Variants in FER1L6 observed in about 807,000 individuals in gnomAD.
FER1L6 encodes the protein fer-1-like protein 6.
Under a neutral mutation model 219.2 loss-of-function variants are expected in FER1L6, and 177 were observed. The observed-to-expected ratio is 0.81, with a 90% CI of 0.71 to 0.91. The LOEUF (loss-of-function observed/expected upper bound fraction) is 0.91, where lower values mean the gene tolerates loss of function less well. FER1L6 is among the 40% of genes least tolerant of loss of function. The pLI is 0.00. For synonymous variants in FER1L6, 768 were observed against 824.3 expected, an observed-to-expected ratio of 0.93 and a Z score of 1.17; for missense variants, 2,153 against 2,259.9, an observed-to-expected ratio of 0.95 and a Z score of 0.96.
In FER1L6 at chr8:123,941,487, G is replaced by A. The variant is rs147376374; in HGVS notation, c.-7-14505G>A. On this transcript the variant is annotated intron_variant, in intron 1 of 40. Coordinates refer to ENST00000522917, the MANE Select transcript of FER1L6 (RefSeq NM_001039112.2). ...GGTGGTGTGGCCAGAGCAAACCACAGGGATGCAGTAGGAGAGGAAGCAGAG... is the reference window on the plus strand; with the variant it reads ...GGTGGTGTGGCCAGAGCAAACCACAAGGATGCAGTAGGAGAGGAAGCAGAG... 2.8e-3 allele frequency among the ~76,000 whole-genome samples: 423 copies of A among 152,290 alleles called. 2 individuals carry two copies. The highest frequency in any genetic ancestry group is 9.9e-3 in the African/African-American group (412 of 41,566).
intron 1 of FER1L6, among the ~76,000 whole-genome samples, chr8:123,931,432 AC>A (rs1813757951): frequency 6.6e-6 from 1 of 152,164 alleles, no homozygotes; most frequent in Non-Finnish European, 1.5e-5. Flanking sequence ...ATTGAAATTC[AC>A]TTGCTATGTA....
intron 33 of FER1L6, among the ~76,000 whole-genome samples, chr8:124,088,130 C>A (rs1163138164): frequency 6.6e-6 from 1 of 152,126 alleles, no homozygotes; most frequent in Non-Finnish European, 1.5e-5. Flanking sequence ...GTCCTTCCCC[C>A]CAGGCCTCTA....
At chr8:124,031,935 A>C (rs1031781246) in intron 18 of FER1L6, among the ~76,000 whole-genome samples, 1 of 152,210 alleles carries the variant, frequency 6.6e-6, no homozygotes, top group African/African-American at 2.4e-5. Context: ...TTATCTTGCC[A>C]GCAATTCCAA....
intron 1 of FER1L6, among the ~76,000 whole-genome samples, chr8:123,912,622 TA>T (rs1813073926): frequency 6.6e-6 from 1 of 152,172 alleles, no homozygotes. Flanking sequence ...AGTAAATTTT[TA>T]TCATTTTACG....
intron 9 of FER1L6, 74 bp from the exon 10 acceptor site, chr8:123,977,343 C>A: frequency 7.0e-7 from 1 of 1,426,924 alleles, no homozygotes; most frequent in Non-Finnish European, 9.6e-7. Flanking sequence ...CTTTATACTT[C>A]CAGCTGGCTT....
intron 12 of FER1L6, among the ~76,000 whole-genome samples, chr8:123,999,156 G>A (rs1199798503): frequency 1.3e-5 from 2 of 152,112 alleles, no homozygotes; most frequent in Non-Finnish European, 2.9e-5. Context: ...TAACACCGCT[G>A]GGAATGTGTT....
chr8:124,027,158 A>G (rs1818744079), intron 18 of FER1L6, among the ~76,000 whole-genome samples: 1 of 152,160 alleles, frequency 6.6e-6, no homozygotes, highest in African/African-American at 2.4e-5. Flanking sequence ...TTAACTAATT[A>G]TATCTGCATT....
intron 33 of FER1L6, among the ~76,000 whole-genome samples, chr8:124,084,064 G>C (rs1821689319): frequency 6.6e-6 from 1 of 151,386 alleles, no homozygotes. Context: ...TTTTCACATT[G>C]TTCACTGTTG....
At chr8:124,119,424 C>A (rs558890071) in intron 40 of FER1L6, among the ~76,000 whole-genome samples, 183 bp from the exon 41 acceptor site, 1 of 152,150 alleles carries the variant, frequency 6.6e-6, no homozygotes, top group African/African-American at 2.4e-5. Context: ...AACCATGATA[C>A]AGGAATCCTC....
At chr8:124,054,506 T>TAATA (rs1372994060) in intron 22 of FER1L6, among the ~76,000 whole-genome samples, 18 of 152,246 alleles carry the variant, frequency 1.2e-4, no homozygotes, top group African/African-American at 3.9e-4. Context: ...CGATAAGTGT[T>TAATA]AATATTCCCT....
chr8:124,010,303 C>G (rs1215601241), intron 13 of FER1L6, among the ~76,000 whole-genome samples: 1 of 152,018 alleles, frequency 6.6e-6, no homozygotes, highest in African/African-American at 2.4e-5. Context: ...TAAAGCCATC[C>G]TTCTTGAAAA....
intron 1 of FER1L6, among the ~76,000 whole-genome samples, chr8:123,907,014 C>T (rs1224926281): frequency 6.6e-6 from 1 of 152,156 alleles, no homozygotes; most frequent in Non-Finnish European, 1.5e-5. Context: ...TTGTGGTCCA[C>T]ACAGTGGTTG....
chr8:124,094,959 C>T lies in FER1L6; in HGVS notation c.4616C>T (p.Pro1539Leu), dbSNP rs1822212130. Reference protein sequence around the residue: ...LKVLHSWEDIPEVGCRLVPEH... With the variant: ...LKVLHSWEDILEVGCRLVPEH... ...GTTTTACACTCTTGGGAGGATATCC[C>T]GGAAGTCGGGTGTAGGCTGGTTCCT... Residue 1539 changes from proline to leucine, a missense_variant, in exon 35 of 41, where the codon CCG becomes CTG. By Grantham distance (98) the Pro-to-Leu change is moderately conservative (BLOSUM62 -3). Coordinates refer to ENST00000522917, the MANE Select transcript of FER1L6 (RefSeq NM_001039112.2). The T allele has an allele frequency of 1.2e-6, 2 of 1,614,116 alleles. No individual in the cohort carries two copies. Among genetic ancestry groups the T allele is most frequent in the African/African-American group, 1.3e-5 (1 of 75,030 alleles).
At chr8:123,962,388 G>C (rs1815328509) in intron 2 of FER1L6, among the ~76,000 whole-genome samples, 1 of 152,050 alleles carries the variant, frequency 6.6e-6, no homozygotes, top group Non-Finnish European at 1.5e-5. Context: ...ACCTGTGGCA[G>C]TTAGAACACA....
intron 1 of FER1L6, among the ~76,000 whole-genome samples, chr8:123,881,702 G>A (rs1355345780): frequency 6.6e-6 from 1 of 152,150 alleles, no homozygotes; most frequent in Admixed American, 6.5e-5. Context: ...TGACCTGGCA[G>A]CCTGAAGGTC....
At chr8:123,909,247 A>T (rs1813008999) in intron 1 of FER1L6, among the ~76,000 whole-genome samples, 2 of 152,110 alleles carry the variant, frequency 1.3e-5, no homozygotes, top group Admixed American at 1.3e-4. Flanking sequence ...CCAGCATTGC[A>T]TGGGGACATG....
At chr8:124,030,916 C>T (rs149709965) in intron 18 of FER1L6, among the ~76,000 whole-genome samples, 2 of 152,242 alleles carry the variant, frequency 1.3e-5, no homozygotes, top group East Asian at 1.9e-4. Context: ...ACCAGGACCC[C>T]GTGGGAGGTG....
intron 20 of FER1L6, among the ~76,000 whole-genome samples, chr8:124,042,653 CCCCT>C (rs1169175608): frequency 6.6e-6 from 1 of 152,148 alleles, no homozygotes; most frequent in African/African-American, 2.4e-5. Context: ...GGTGACATGC[CCCCT>C]TTATGTATTT....
intron 7 of FER1L6, among the ~76,000 whole-genome samples, chr8:123,974,621 A>G (rs1438505618): frequency 7.3e-6 from 1 of 136,864 alleles, no homozygotes; most frequent in Admixed American, 8.1e-5. Context: ...GGGCATTACC[A>G]TTGCTCTCCA....
Sources: gnomAD v4.1 joint callset for allele counts (sites outside exome capture counted in the v4.1 genomes callset) on GRCh38, gnomAD v4.1.1 for gene constraint, MANE v1.5 for transcripts, NCBI Gene and HGNC (gene_info 2026-07-23, HGNC 2026-07-21) for gene names.